Variants in DENND1A observed in about 807,000 individuals in gnomAD.
DENND1A encodes the protein DENN domain containing 1A, also known as DENN domain-containing protein 1A.
DENND1A carries 51 observed loss-of-function variants against 113.7 expected under a neutral mutation model. That is an observed-to-expected ratio of 0.45 (90% CI 0.36 to 0.57). DENND1A has a LOEUF of 0.57. DENND1A is among the 20% of genes least tolerant of loss of function. DENND1A has a pLI of 0.00. For missense variants in DENND1A, 1,258 were observed against 1,395.9 expected, an observed-to-expected ratio of 0.90 and a Z score of 1.57; for synonymous variants, 565 against 570.8, an observed-to-expected ratio of 0.99 and a Z score of 0.14.
chr9:123,710,560 C>CACACACACACACACAT (rs60092060), intron 5 of DENND1A, among the ~76,000 whole-genome samples: 11,112 of 148,896 alleles, frequency 0.075, 1,095 homozygotes, highest in African/African-American at 0.15. Context: ...CACACACACA[C>CACACACACACACACAT]TGGCATCATA....
intron 4 of DENND1A, chr9:123,759,261 A>T (rs1051523367): frequency 6.6e-6 from 1 of 152,236 alleles, no homozygotes; most frequent in Non-Finnish European, 1.5e-5. Context: ...TGTTGCTGCT[A>T]GAGCTTGTAG....
chr9:123,872,850 A>G (rs1013233813), intron 2 of DENND1A, among the ~76,000 whole-genome samples: 5 of 152,232 alleles, frequency 3.3e-5, no homozygotes, highest in African/African-American at 1.2e-4. Flanking sequence ...ATGTATACTA[A>G]ATCCTCCAAT....
intron 10 of DENND1A, among the ~76,000 whole-genome samples, chr9:123,627,755 AAAAG>A (rs1373929048): frequency 6.7e-6 from 1 of 149,848 alleles, no homozygotes; most frequent in African/African-American, 2.5e-5. Context: ...AAAAAAAAAA[AAAAG>A]AGAGAGAGAG....
intron 13 of DENND1A, among the ~76,000 whole-genome samples, chr9:123,542,251 C>A (rs1374660470): frequency 1.3e-5 from 2 of 152,152 alleles, no homozygotes; most frequent in Non-Finnish European, 2.9e-5. Flanking sequence ...GTCAAGGAAG[C>A]TCTATGAAGG....
intron 13 of DENND1A, among the ~76,000 whole-genome samples, chr9:123,534,131 C>T (rs936912870): frequency 6.6e-6 from 1 of 152,216 alleles, no homozygotes. Context: ...TGAGCATCTG[C>T]GAACCTACCC....
At chr9:123,829,368 G>T (rs778193980) in intron 2 of DENND1A, among the ~76,000 whole-genome samples, 2 of 151,758 alleles carry the variant, frequency 1.3e-5, no homozygotes, top group Non-Finnish European at 1.5e-5. Context: ...ATGTAAAAAT[G>T]AGGTGATGAA....
chr9:123,710,470 C>T (rs1326242081), intron 5 of DENND1A, among the ~76,000 whole-genome samples: 1 of 152,038 alleles, frequency 6.6e-6, no homozygotes, highest in South Asian at 2.1e-4. Context: ...TCTAGTCACT[C>T]ACCAACCAAG....
chr9:123,876,702 C>T lies in DENND1A; in HGVS notation c.88+2249G>A, dbSNP rs542870823. 1.4e-3 allele frequency among the ~76,000 whole-genome samples: 212 copies of T among 152,196 alleles called. 1 individual carries two copies. The highest frequency in any genetic ancestry group is 4.8e-3 in the African/African-American group (198 of 41,524). ...TAAAATAGTCTCAAAACAATTCATTCGATCCAGCAATCCCATTACCGAGTA... is the reference window on the plus strand; with the variant it reads ...TAAAATAGTCTCAAAACAATTCATTTGATCCAGCAATCCCATTACCGAGTA... On this transcript the variant is annotated intron_variant, in intron 2 of 23. Coordinates refer to ENST00000394215, the MANE Select transcript of DENND1A (RefSeq NM_001352964.2).
chr9:123,411,959 C>G (rs573977338), intron 19 of DENND1A, 130 bp from the exon 20 acceptor site: 54 of 357,916 alleles, frequency 1.5e-4, no homozygotes, highest in African/African-American at 1.2e-3. Flanking sequence ...CGCCTCCTGC[C>G]TCGCCCCCAC....
rs142709771 is a variant in DENND1A at position 123,901,878 on chromosome 9, C to T, written c.18-22857G>A. On this transcript the variant is annotated intron_variant, in intron 1 of 23. Transcript: ENST00000394215. ...AAAATTAGCTGGGCACGGTGGTGGG[C>T]GCCTGTAGTCCCAGCTACTCGAGAG... 5.2e-3 allele frequency among the ~76,000 whole-genome samples: 784 copies of T among 151,982 alleles called. 3 individuals carry two copies. The highest frequency in any genetic ancestry group is 0.018 in the African/African-American group (753 of 41,426).
chr9:123,457,701 T>C, intron 14 of DENND1A, 92 bp downstream of exon 14: 1 of 1,256,624 alleles, frequency 8.0e-7, no homozygotes, highest in Non-Finnish European at 1.1e-6. Context: ...CTGAGTCCCA[T>C]CCATGCCTGC....
intron 9 of DENND1A, among the ~76,000 whole-genome samples, chr9:123,649,848 C>A (rs982304982): frequency 2.6e-5 from 4 of 152,048 alleles, no homozygotes; most frequent in African/African-American, 7.2e-5. Context: ...TTTATGAGAG[C>A]AAAATCACAC....
intron 13 of DENND1A, among the ~76,000 whole-genome samples, chr9:123,525,801 T>C (rs1345341819): frequency 6.9e-6 from 1 of 144,212 alleles, no homozygotes; most frequent in South Asian, 2.2e-4. Flanking sequence ...CTCTGTGACG[T>C]AGGCTGGAGT....
At chr9:123,476,932 C>A (rs2049965506) in intron 13 of DENND1A, among the ~76,000 whole-genome samples, 1 of 152,198 alleles carries the variant, frequency 6.6e-6, no homozygotes, top group South Asian at 2.1e-4. Flanking sequence ...GGCTCTACTT[C>A]TCTTCCTCAT....
Position 123,381,099 on chromosome 9 carries a change from G to T in DENND1A, c.*333C>A. 3.2e-6 allele frequency: 1 copy of T among 312,364 alleles called. No individual in the cohort carries two copies. Among genetic ancestry groups the T allele is most frequent in the East Asian group, 8.7e-5 (1 of 11,542 alleles). The allele number at this position is 312,364 out of a possible 1,614,324, so 19.3% of individuals were successfully genotyped here. On this transcript the variant is annotated 3_prime_UTR_variant, in exon 24 of 24. Transcript: ENST00000394215. This position sits in a 1 kb window ranked among gnomAD's most constrained non-coding sequence, Gnocchi z 4.7. ...TTCGGAGCCTCTTGGGACACTTCCG[G>T]GGGAAGGTGGGTAGGACTCGGTCTG...
intron 1 of DENND1A, among the ~76,000 whole-genome samples, chr9:123,896,769 A>T (rs1850822243): frequency 6.6e-6 from 1 of 152,230 alleles, no homozygotes; most frequent in East Asian, 1.9e-4. Flanking sequence ...AGATACAACC[A>T]GGGAGAGAAT....
chr9:123,886,071 C>T (rs1194730251), intron 1 of DENND1A, among the ~76,000 whole-genome samples: 2 of 152,196 alleles, frequency 1.3e-5, no homozygotes, highest in African/African-American at 2.4e-5. Context: ...AGCCACCACA[C>T]CCAGCCAGGA....
chr9:123,696,578 CTT>C (rs1175924931), intron 5 of DENND1A, among the ~76,000 whole-genome samples: 1 of 152,096 alleles, frequency 6.6e-6, no homozygotes, highest in African/African-American at 2.4e-5. Flanking sequence ...AAGAGAAAAT[CTT>C]AAACCAAAAT....
chr9:123,657,009 T>C (rs1486955841), intron 8 of DENND1A, among the ~76,000 whole-genome samples: 1 of 152,170 alleles, frequency 6.6e-6, no homozygotes, highest in Non-Finnish European at 1.5e-5. Context: ...GGCCACACTC[T>C]CTAGGGCTGG....
Sources: allele counts gnomAD v4.1 joint callset (sites outside exome capture counted in the v4.1 genomes callset), GRCh38; gene constraint gnomAD v4.1.1; non-coding constraint Gnocchi (gnomAD v3.1); transcripts MANE v1.5; gene names NCBI Gene and HGNC (gene_info 2026-07-23, HGNC 2026-07-21).